CCDC171: variants seen among roughly 807,000 people sequenced by gnomAD.
CCDC171 encodes the protein coiled-coil domain containing 171.
CCDC171 carries 177 observed loss-of-function variants against 168.2 expected under a neutral mutation model. The observed-to-expected ratio is 1.05, with a 90% CI of 0.93 to 1.19. CCDC171 has a LOEUF of 1.19. Ranked by LOEUF, CCDC171 falls within the 50% of genes most tolerant of loss-of-function variation. CCDC171 has a pLI of 0.00. For missense variants in CCDC171, 1,991 were observed against 1,539.0 expected, an observed-to-expected ratio of 1.29 and a Z score of -4.91; for synonymous variants, 687 against 540.8, an observed-to-expected ratio of 1.27 and a Z score of -3.75.
chr9:16,092,120 G>C, the CCDC171 span, among the ~76,000 whole-genome samples: 9,212 of 152,258 alleles, frequency 0.061, 837 homozygotes, highest in African/African-American at 0.2. Flanking sequence ...ACACAACTTG[G>C]AAAAGCAAAT....
chr9:15,765,374 A>G (rs1181140391), intron 18 of CCDC171, among the ~76,000 whole-genome samples: 1 of 152,152 alleles, frequency 6.6e-6, no homozygotes, highest in Non-Finnish European at 1.5e-5. Context: ...AGAAAAAAAA[A>G]TCTTGATAAT....
chr9:15,766,672 G>T (rs1289987242), intron 18 of CCDC171, among the ~76,000 whole-genome samples: 1 of 150,148 alleles, frequency 6.7e-6, no homozygotes, highest in Admixed American at 6.6e-5. Flanking sequence ...TATTTTTTGA[G>T]ATAAGGGCTC....
At chr9:15,927,172 A>T (rs1013017030) in intron 25 of CCDC171, among the ~76,000 whole-genome samples, 1 of 151,710 alleles carries the variant, frequency 6.6e-6, no homozygotes, top group African/African-American at 2.4e-5. Flanking sequence ...CACAATAATA[A>T]TGCTGGAGTT....
At chr9:15,822,525 G>T (rs1455602186) in intron 21 of CCDC171, among the ~76,000 whole-genome samples, 3 of 152,048 alleles carry the variant, frequency 2.0e-5, no homozygotes, top group Non-Finnish European at 4.4e-5. Flanking sequence ...GTGGGCGAAG[G>T]ATATGAACAG....
intron 25 of CCDC171, among the ~76,000 whole-genome samples, chr9:15,962,128 A>G (rs547292352): frequency 6.6e-6 from 1 of 152,182 alleles, no homozygotes; most frequent in Non-Finnish European, 1.5e-5. Flanking sequence ...TCATTTACAT[A>G]TCCTCGATGG....
intron 25 of CCDC171, among the ~76,000 whole-genome samples, chr9:15,958,119 CATTCATTCATT>C (rs1829985708): frequency 7.2e-6 from 1 of 139,800 alleles, no homozygotes; most frequent in African/African-American, 3.2e-5. Context: ...CTCATCCATT[CATTCATTCATT>C]CATTCATTCA....
At chr9:15,636,184 C>T (rs1307529231) in intron 7 of CCDC171, among the ~76,000 whole-genome samples, 1 of 151,888 alleles carries the variant, frequency 6.6e-6, no homozygotes, top group Admixed American at 6.6e-5. Flanking sequence ...AAGATGCTAA[C>T]GATGGAGGAA....
At chr9:15,612,114 C>T (rs1264046921) in intron 6 of CCDC171, among the ~76,000 whole-genome samples, 1 of 152,226 alleles carries the variant, frequency 6.6e-6, no homozygotes, top group African/African-American at 2.4e-5. Context: ...TATTTCCCAT[C>T]TTCCAGAACT....
At chr9:15,687,539 C>T (rs1254553354) in intron 10 of CCDC171, among the ~76,000 whole-genome samples, 1 of 151,522 alleles carries the variant, frequency 6.6e-6, no homozygotes, top group Non-Finnish European at 1.5e-5. Context: ...TAAAGACTAA[C>T]AAGGAAATAA....
At chr9:15,944,729 A>T (rs752048698) in intron 25 of CCDC171, among the ~76,000 whole-genome samples, 2 of 152,008 alleles carry the variant, frequency 1.3e-5, no homozygotes, top group Non-Finnish European at 2.9e-5. Context: ...GAGGATAGAC[A>T]TAATTTTTAC....
chr9:15,725,266 C>G (rs2053725775), intron 14 of CCDC171, among the ~76,000 whole-genome samples: 1 of 152,110 alleles, frequency 6.6e-6, no homozygotes, highest in African/African-American at 2.4e-5. Flanking sequence ...ACAGTCCTTT[C>G]AAGGTTCCTG....
the CCDC171 span, among the ~76,000 whole-genome samples, chr9:16,086,483 T>A: frequency 6.6e-6 from 1 of 151,962 alleles, no homozygotes; most frequent in East Asian, 1.9e-4. Flanking sequence ...AATTTTTGTA[T>A]TTTTAGTAGA....
At chr9:15,883,157 T>C (rs1014193947) in intron 24 of CCDC171, 2 of 371,284 alleles carry the variant, frequency 5.4e-6, no homozygotes, top group Non-Finnish European at 1.1e-5. Flanking sequence ...GCCTGCTGAG[T>C]ACCTAGGACC....
At chr9:16,089,155 C>G in the CCDC171 span, among the ~76,000 whole-genome samples, 15 of 151,992 alleles carry the variant, frequency 9.9e-5, no homozygotes, top group African/African-American at 3.1e-4. Context: ...ACTGGCTAGC[C>G]ATGTGCAGAA....
chr9:15,643,072 A>C (rs1648142732), intron 7 of CCDC171, among the ~76,000 whole-genome samples: 1 of 151,914 alleles, frequency 6.6e-6, no homozygotes, highest in Non-Finnish European at 1.5e-5. Context: ...TTTTTTAAAA[A>C]AATTTATTTC....
At chr9:15,731,891 T>C (rs1369943016) in intron 16 of CCDC171, among the ~76,000 whole-genome samples, 3 of 152,076 alleles carry the variant, frequency 2.0e-5, no homozygotes, top group African/African-American at 7.2e-5. Flanking sequence ...GTCATTATAG[T>C]GGTTTTAAAA....
chr9:15,802,788 G>T (rs1320564998), intron 21 of CCDC171, among the ~76,000 whole-genome samples: 26 of 152,172 alleles, frequency 1.7e-4, no homozygotes, highest in Admixed American at 1.7e-3. Context: ...TGAGACTGCT[G>T]AGTTAAATGG....
At chr9:15,846,394 T>C (rs1051486012) in intron 21 of CCDC171, among the ~76,000 whole-genome samples, 4 of 152,156 alleles carry the variant, frequency 2.6e-5, no homozygotes, top group African/African-American at 9.7e-5. Flanking sequence ...TTTTTCATCA[T>C]TAAAAGAAAG....
intron 21 of CCDC171, among the ~76,000 whole-genome samples, chr9:15,814,930 T>G (rs1178978161): frequency 6.6e-6 from 1 of 152,216 alleles, no homozygotes; most frequent in Non-Finnish European, 1.5e-5. Context: ...TGACAATGAA[T>G]GACAGCTTCT....
Sources: allele counts gnomAD v4.1 joint callset (sites outside exome capture counted in the v4.1 genomes callset), GRCh38; gene constraint gnomAD v4.1.1; transcripts MANE v1.5; gene names NCBI Gene and HGNC (gene_info 2026-07-23, HGNC 2026-07-21).